Variants in AK4 observed in about 807,000 individuals in gnomAD.
AK4 encodes adenylate kinase 4, also known as adenylate kinase 4, mitochondrial.
In AK4, 13 loss-of-function variants were observed where a neutral mutation model predicts 24.6. That is an observed-to-expected ratio of 0.53 (90% CI 0.34 to 0.84). The LOEUF (loss-of-function observed/expected upper bound fraction) is 0.84, where lower values mean the gene tolerates loss of function less well. AK4 is among the 40% of genes least tolerant of loss of function. AK4 has a pLI of 0.01. For synonymous variants in AK4, 88 were observed against 107.0 expected, an observed-to-expected ratio of 0.82 and a Z score of 1.10; for missense variants, 192 against 288.2, an observed-to-expected ratio of 0.67 and a Z score of 2.42.
At chr1:65,185,183 A>G (rs1651055503) in intron 1 of AK4, among the ~76,000 whole-genome samples, 1 of 152,112 alleles carries the variant, frequency 6.6e-6, no homozygotes, top group Non-Finnish European at 1.5e-5. Flanking sequence ...CCACCATGCC[A>G]CATCCAAATG....
intron 2 of AK4, among the ~76,000 whole-genome samples, chr1:65,199,262 T>C (rs1304410201): frequency 9.2e-5 from 14 of 152,150 alleles, no homozygotes; most frequent in African/African-American, 3.1e-4. Flanking sequence ...AAAAAAATTA[T>C]TTTTGGGCTG....
chr1:65,184,012 C>T (rs184161410), intron 1 of AK4, among the ~76,000 whole-genome samples: 3 of 151,992 alleles, frequency 2.0e-5, no homozygotes, highest in African/African-American at 7.3e-5. Context: ...TTTGTGTTAT[C>T]GTATAATTTT....
At chr1:65,159,467 G>C (rs1183652858) in intron 1 of AK4, among the ~76,000 whole-genome samples, 2 of 151,886 alleles carry the variant, frequency 1.3e-5, no homozygotes, top group Non-Finnish European at 2.9e-5. Context: ...GACCAGCCTG[G>C]GCAACATGGC....
intron 1 of AK4, among the ~76,000 whole-genome samples, chr1:65,163,710 C>T (rs1165918485): frequency 1.3e-5 from 2 of 152,192 alleles, no homozygotes. Flanking sequence ...AAAGAGTAAT[C>T]CACGTAGAGC....
chr1:65,155,208 A>G (rs1422697300), intron 1 of AK4, among the ~76,000 whole-genome samples: 2 of 151,968 alleles, frequency 1.3e-5, no homozygotes, highest in African/African-American at 2.4e-5. Flanking sequence ...TTGGTAGTTT[A>G]TAGGTGCTAC....
At chr1:65,148,183 G>A, upstream of AK4, 4 of 916,990 alleles carry the variant, frequency 4.4e-6, no homozygotes, top group African/African-American at 1.7e-5. Context: ...AGAAGGGCGG[G>A]GAGGTGTAGC....
At chr1:65,200,844 G>C (rs915546033) in intron 2 of AK4, among the ~76,000 whole-genome samples, 1 of 151,042 alleles carries the variant, frequency 6.6e-6, no homozygotes, top group African/African-American at 2.4e-5. Flanking sequence ...GTCCCAGGCT[G>C]AGTGCAATGG....
chr1:65,157,980 C>T (rs1024983372), intron 1 of AK4, among the ~76,000 whole-genome samples: 6 of 152,112 alleles, frequency 3.9e-5, no homozygotes, highest in African/African-American at 1.4e-4. Context: ...TGAAACTCCT[C>T]TTGTAGAGTT....
chr1:65,188,395 AAAAAAT>A (rs1287995545), intron 1 of AK4, among the ~76,000 whole-genome samples: 1 of 152,128 alleles, frequency 6.6e-6, no homozygotes, highest in African/African-American at 2.4e-5. Flanking sequence ...TCCATAGCAA[AAAAAAT>A]AAAAATAAAA....
At chr1:65,179,609 C>A (rs1267230293) in intron 1 of AK4, among the ~76,000 whole-genome samples, 1 of 151,938 alleles carries the variant, frequency 6.6e-6, no homozygotes, top group Admixed American at 6.6e-5. Flanking sequence ...GAGGCCCGGG[C>A]AGGAGGATCC....
chr1:65,202,997 T>G lies in AK4; in HGVS notation c.265+12168T>G, dbSNP rs929656883. On this transcript the variant is annotated intron_variant, in intron 2 of 4. Coordinates refer to ENST00000327299, the MANE Select transcript of AK4 (RefSeq NM_013410.4). ...GATTGATCCTCCCATCTCAGCTCCC[T>G]GAGTAGCTGAGACTACAGATGCAGG... 2.0e-5 allele frequency among the ~76,000 whole-genome samples: 3 copies of G among 150,290 alleles called. No homozygotes were observed. In the Admixed American group the frequency reaches 2.0e-4, roughly 10 times the overall value.
At chr1:65,152,377 TATATATA>T (rs368076207) in intron 1 of AK4, among the ~76,000 whole-genome samples, 47 of 82,510 alleles carry the variant, frequency 5.7e-4, no homozygotes, top group East Asian at 9.4e-4. Context: ...TATATATATA[TATATATA>T]TTTTTTTTTT....
intron 1 of AK4, among the ~76,000 whole-genome samples, chr1:65,163,462 G>A (rs868449671): frequency 2.0e-5 from 3 of 152,308 alleles, no homozygotes; most frequent in African/African-American, 7.2e-5. Context: ...GTTACAGCTC[G>A]GCATTTGCCT....
In AK4 at chr1:65,229,759, A is replaced by G. The variant is rs1652578397; in HGVS notation, c.*3582A>G. 2 of 152,188 alleles carry G rather than the reference A, an allele frequency of 1.3e-5. No individual in the cohort carries two copies. Among genetic ancestry groups the G allele is most frequent in the Admixed American group, 6.5e-5 (1 of 15,278 alleles). 9.4% of individuals were successfully genotyped at this position (152,188 alleles called of 1,614,324 possible). A position where few individuals can be genotyped will look rare whatever the true frequency, so the allele number is the denominator to read the frequency against. ...TTCCTTACCTATCCTTTTGGTGTCC[A>G]TTGGATTGTGCCCCGAAGTGGCCTT... On this transcript the variant is annotated 3_prime_UTR_variant, in exon 5 of 5. Coordinates refer to ENST00000327299, the MANE Select transcript of AK4 (RefSeq NM_013410.4).
chr1:65,196,744 G>A (rs1232020823), intron 2 of AK4, among the ~76,000 whole-genome samples: 2 of 152,142 alleles, frequency 1.3e-5, no homozygotes, highest in Non-Finnish European at 2.9e-5. Flanking sequence ...GGGATTACAG[G>A]CATGAGCCAC....
chr1:65,154,504 A>G, intron 1 of AK4: 1 of 525,956 alleles, frequency 1.9e-6, no homozygotes, highest in African/African-American at 1.9e-5. Flanking sequence ...GCTGTACTGG[A>G]GCCACTGCTG....
intron 2 of AK4, among the ~76,000 whole-genome samples, chr1:65,218,525 T>A (rs1652199099): frequency 6.6e-6 from 1 of 152,246 alleles, no homozygotes; most frequent in African/African-American, 2.4e-5. Flanking sequence ...AGCTCATTTT[T>A]AAAAAATAAT....
At chr1:65,161,390 A>G (rs1323423756) in intron 1 of AK4, among the ~76,000 whole-genome samples, 2 of 152,210 alleles carry the variant, frequency 1.3e-5, no homozygotes. Flanking sequence ...GTTCTACATT[A>G]CGTTCCCAGG....
chr1:65,181,162 T>TGTGTGGGA (rs1650891523), intron 1 of AK4, among the ~76,000 whole-genome samples: 1 of 150,232 alleles, frequency 6.7e-6, no homozygotes, highest in Non-Finnish European at 1.5e-5. Context: ...GGTGTGTGGG[T>TGTGTGGGA]GCTAGAAACA....
Sources: allele counts gnomAD v4.1 joint callset (sites outside exome capture counted in the v4.1 genomes callset), GRCh38; gene constraint gnomAD v4.1.1; transcripts MANE v1.5; gene names NCBI Gene and HGNC (gene_info 2026-07-23, HGNC 2026-07-21).